The following MARF1 variants were observed in gnomAD, a reference collection of about 807,000 sequenced individuals.
The protein encoded by MARF1 is meiosis regulator and mRNA stability factor 1.
In MARF1, 24 loss-of-function variants were observed where a neutral mutation model predicts 168.2. The observed-to-expected ratio is 0.14, with a 90% CI of 0.10 to 0.20. The LOEUF (loss-of-function observed/expected upper bound fraction) is 0.20, where lower values mean the gene tolerates loss of function less well. Ranked by LOEUF, MARF1 falls within the 10% of genes least tolerant of loss-of-function variation. MARF1 has a pLI of 1.00. For missense variants in MARF1, 1,744 were observed against 2,143.6 expected (o/e 0.81, Z 3.68); for synonymous variants, 868 against 822.4 (o/e 1.06, Z -0.95).
At position 15,634,623 on chromosome 16, in the gene MARF1, T is replaced by A. The variant is rs1055455473; in HGVS notation, c.1006+134A>T. The A allele has an allele frequency of 1.1e-5, 8 of 760,630 alleles. No homozygotes were observed. In the African/African-American group the frequency reaches 1.2e-4, roughly 12 times the overall value. The allele number at this position is 760,630 out of a possible 1,614,324, so 47.1% of individuals were successfully genotyped here. On this transcript the variant is annotated intron_variant, in intron 4 of 26. Coordinates refer to ENST00000396368, the MANE Select transcript of MARF1 (RefSeq NM_014647.4). ...AATAATAAAAAGATTTCTACCAAGA[T>A]ATGGAATTGGAGACTCACATACACA...
At chr16:15,637,173 A>G (rs1021382284) in intron 2 of MARF1, among the ~76,000 whole-genome samples, 2 of 152,136 alleles carry the variant, frequency 1.3e-5, no homozygotes, top group Non-Finnish European at 2.9e-5. Context: ...TGGGAATACA[A>G]TATACCTCCT....
At chr16:15,636,974 TATCCAAGAAAAAG>T (rs1247971231) in intron 2 of MARF1, among the ~76,000 whole-genome samples, 2 of 152,132 alleles carry the variant, frequency 1.3e-5, no homozygotes, top group Non-Finnish European at 2.9e-5. Context: ...ATTAGAAAAC[TATCCAAGAAAAAG>T]ATCCAAGACA....
intron 18 of MARF1, 27 bp downstream of exon 18, chr16:15,611,565 T>C: frequency 6.2e-7 from 1 of 1,602,738 alleles, no homozygotes; most frequent in African/African-American, 1.3e-5. Context: ...ATATTTACTT[T>C]CATTTCTGTT....
rs141246303 is a variant in MARF1 at position 15,615,798 on chromosome 16, G to A, written c.3253+32C>T. ...TCCTCTGGTCTCATAGTGGACAGGT[G>A]GTAGCTCCAGGACAAAATACCTGAC... On this transcript the variant is annotated intron_variant, in intron 16 of 26. Coordinates refer to ENST00000396368, the MANE Select transcript of MARF1 (RefSeq NM_014647.4). The A allele has an allele frequency of 5.1e-5, 75 of 1,464,928 alleles. No homozygotes were observed. In the African/African-American group the frequency reaches 9.7e-4, roughly 19 times the overall value. 90.7% of individuals were successfully genotyped at this position (1,464,928 alleles called of 1,614,324 possible).
intron 13 of MARF1, among the ~76,000 whole-genome samples, chr16:15,619,617 C>T (rs1398484788): frequency 6.6e-6 from 1 of 152,158 alleles, no homozygotes; most frequent in African/African-American, 2.4e-5. Context: ...TTTTCTCCTC[C>T]TTTCCAATCA....
At chr16:15,635,034 T>C in intron 3 of MARF1, 103 bp from the exon 4 acceptor site, 1 of 934,192 alleles carries the variant, frequency 1.1e-6, no homozygotes, top group Admixed American at 2.7e-5. Flanking sequence ...GTTTTACCTT[T>C]CCACTTGCTA....
intron 17 of MARF1, 126 bp downstream of exon 17, chr16:15,612,431 A>G: frequency 1.2e-6 from 1 of 806,700 alleles, no homozygotes; most frequent in Non-Finnish European, 2.1e-6. Context: ...CTCTGAAGAA[A>G]GTTTTTAGTG....
chr16:15,609,265 AAAAG>A (rs2033304208), intron 20 of MARF1, among the ~76,000 whole-genome samples: 1 of 152,138 alleles, frequency 6.6e-6, no homozygotes. Context: ...ACAAACAAAA[AAAAG>A]AAAACCTACT....
At chr16:15,631,877 T>C (rs528266678) in intron 5 of MARF1, among the ~76,000 whole-genome samples, 49 of 152,332 alleles carry the variant, frequency 3.2e-4, no homozygotes, top group Non-Finnish European at 5.1e-4. Context: ...ATTAGTTTGC[T>C]GAGAATAATG....
Position 15,624,911 on chromosome 16 carries a change from C to G in MARF1, c.2128G>C (p.Ala710Pro). The G allele has an allele frequency of 1.2e-6, 2 of 1,614,100 alleles. No homozygotes were observed. Among genetic ancestry groups the G allele is most frequent in the Non-Finnish European group, 1.7e-6 (2 of 1,180,008 alleles). The change falls in exon 10 of 27, where the codon GCC becomes CCC. Residue 710 changes from alanine (A) to proline (P), a missense_variant. By Grantham distance (27) the Ala-to-Pro change is conservative. Coordinates refer to ENST00000396368, the MANE Select transcript of MARF1 (RefSeq NM_014647.4). ...ACAGGAGAACTGGTAACACTTCGGG[C>G]ACTGAGGTTCTCCTTTCTAACAGAA... The part of the protein sequence containing the change: ...KTSQKKENLS[A>P]RSVTSSPVEK...
chr16:15,635,425 G>A (rs1221666159), intron 3 of MARF1: 6 of 527,200 alleles, frequency 1.1e-5, no homozygotes, highest in African/African-American at 1.9e-5. Context: ...TGCAACAAGA[G>A]GCTCTAAAAG....
At chr16:15,602,538 AGAC>A (rs1456007385) in intron 22 of MARF1, 1 of 511,478 alleles carries the variant, frequency 2.0e-6, no homozygotes, top group Non-Finnish European at 3.7e-6. Context: ...ACGATAAAGA[AGAC>A]GAAGACGACG....
chr16:15,601,245 C>T, intron 23 of MARF1: 1 of 370,390 alleles, frequency 2.7e-6, no homozygotes, highest in Non-Finnish European at 5.3e-6. Context: ...CAAGCTTTGC[C>T]TGGGTCCTTC....
intron 2 of MARF1, among the ~76,000 whole-genome samples, chr16:15,637,276 C>T (rs1322946370): frequency 1.3e-5 from 2 of 152,216 alleles, no homozygotes; most frequent in Non-Finnish European, 2.9e-5. Context: ...TCAGCCTTCA[C>T]AGGCTGACTG....
At chr16:15,607,912 G>A (rs2239694) in intron 21 of MARF1, among the ~76,000 whole-genome samples, 33,279 of 152,138 alleles carry the variant, frequency 0.22, 4,049 homozygotes, top group South Asian at 0.32. Context: ...GACACTGTGT[G>A]ATTACGGGCT....
chr16:15,639,382 C>G, intron 1 of MARF1, 91 bp from the exon 2 acceptor site: 1 of 829,796 alleles, frequency 1.2e-6, no homozygotes, highest in East Asian at 2.5e-5. Context: ...GCTATATTTA[C>G]AGTCCTATGG....
At chr16:15,605,362 G>A (rs545378710) in intron 21 of MARF1, among the ~76,000 whole-genome samples, 2 of 152,270 alleles carry the variant, frequency 1.3e-5, no homozygotes, top group African/African-American at 4.8e-5. Flanking sequence ...TGGCACTTGA[G>A]GAGCCATCCC....
At chr16:15,637,244 C>G (rs1261537481) in intron 2 of MARF1, among the ~76,000 whole-genome samples, 1 of 152,150 alleles carries the variant, frequency 6.6e-6, no homozygotes, top group Non-Finnish European at 1.5e-5. Flanking sequence ...AGTACCTAGC[C>G]ACTGAAAGGG....
intron 26 of MARF1, among the ~76,000 whole-genome samples, chr16:15,597,832 C>T (rs1301335351): frequency 6.6e-6 from 1 of 151,776 alleles, no homozygotes; most frequent in African/African-American, 2.4e-5. Context: ...TGCCACCAAC[C>T]CTAGGGGGGC....
Sources: gnomAD v4.1 joint callset for allele counts (sites outside exome capture counted in the v4.1 genomes callset) on GRCh38, gnomAD v4.1.1 for gene constraint, MANE v1.5 for transcripts, NCBI Gene and HGNC (gene_info 2026-07-23, HGNC 2026-07-21) for gene names.